The following NXPE3 variants were observed in gnomAD, a reference collection of about 807,000 sequenced individuals.
The protein encoded by NXPE3 is NXPE family member 3.
NXPE3 carries 26 observed loss-of-function variants against 46.1 expected under a neutral mutation model. That is an observed-to-expected ratio of 0.56 (90% CI 0.41 to 0.78). NXPE3 has a LOEUF of 0.78. Ranked by LOEUF, NXPE3 falls within the 30% of genes least tolerant of loss-of-function variation. NXPE3 has a pLI of 0.00. For missense variants in NXPE3, 620 were observed against 686.0 expected (o/e 0.90, Z 1.07); for synonymous variants, 272 against 257.9 (o/e 1.05, Z -0.52).
intron 6 of NXPE3, among the ~76,000 whole-genome samples, chr3:101,808,009 G>A (rs1461933436): frequency 6.6e-6 from 1 of 152,160 alleles, no homozygotes; most frequent in East Asian, 1.9e-4. Context: ...GAGAATAGCA[G>A]CTCTTCTCAA....
intron 5 of NXPE3, among the ~76,000 whole-genome samples, chr3:101,802,959 T>C (rs957697912): frequency 1.3e-5 from 2 of 152,198 alleles, no homozygotes; most frequent in African/African-American, 4.8e-5. Flanking sequence ...GGAGGAAGGC[T>C]GGAGCCCAGG....
intron 6 of NXPE3, among the ~76,000 whole-genome samples, chr3:101,814,784 C>A (rs1440742005): frequency 1.3e-5 from 2 of 151,714 alleles, no homozygotes; most frequent in African/African-American, 2.4e-5. Flanking sequence ...TAAATATATA[C>A]CTTCAAGAAA....
At chr3:101,818,728 TATATATA>T in intron 7 of NXPE3, among the ~76,000 whole-genome samples, 1 of 12,496 alleles carries the variant, frequency 8.0e-5, no homozygotes, top group South Asian at 2.3e-3. Context: ...TATATATATA[TATATATA>T]TATATATATA....
rs770131902 is a variant in NXPE3, at chr3:101,785,639, C to CT, written c.45dup (p.Ala16CysfsTer21). The CT allele has an allele frequency of 6.2e-7, 1 of 1,614,028 alleles. No homozygotes were observed. The highest frequency in any genetic ancestry group is 8.5e-7 in the Non-Finnish European group (1 of 1,179,978). On this transcript the variant is annotated frameshift_variant, in exon 4 of 8. Coordinates refer to ENST00000273347, the MANE Select transcript of NXPE3 (RefSeq NM_145037.4). LOFTEE classifies it high-confidence loss of function. ...CAAACTACGGCTTTTCTGCTGTCTG[C>CT]TTGCAGTGTTGATGGTGGTGGTGCT... is the stretch of plus-strand genomic sequence containing the variant.
chr3:101,806,945 A>G (rs1370721425), intron 5 of NXPE3, 108 bp from the exon 6 acceptor site: 3 of 770,958 alleles, frequency 3.9e-6, no homozygotes, highest in Admixed American at 4.6e-5. Flanking sequence ...ATATTTCATC[A>G]TAATAAGGCT....
intron 6 of NXPE3, among the ~76,000 whole-genome samples, chr3:101,811,846 G>A (rs1227810913): frequency 1.4e-5 from 2 of 146,544 alleles, no homozygotes; most frequent in African/African-American, 2.5e-5. Context: ...CAATTCTTCT[G>A]CCTCAGCTTC....
chr3:101,800,704 GTT>G (rs34398816), intron 4 of NXPE3, among the ~76,000 whole-genome samples: 1 of 142,360 alleles, frequency 7.0e-6, no homozygotes. Flanking sequence ...GTTAAGGGTT[GTT>G]TTTTTTTTTG....
In NXPE3 at chr3:101,827,695, G is replaced by T. The variant is rs567477718; in HGVS notation, c.*5741G>T. ...GATGTTGCCTCTGATTCCTCCCTGC[G>T]GCTCCAGTCCAGGTCTTGGAGCCGG... On this transcript the variant is annotated 3_prime_UTR_variant, in exon 8 of 8. Transcript: ENST00000273347. Among the ~76,000 whole-genome samples the T allele has an allele frequency of 2.6e-5, 4 of 152,126 alleles. No homozygotes were observed. Among genetic ancestry groups the T allele is most frequent in the African/African-American group, 9.6e-5 (4 of 41,476 alleles).
At chr3:101,808,177 T>C (rs917716613) in intron 6 of NXPE3, among the ~76,000 whole-genome samples, 1 of 152,106 alleles carries the variant, frequency 6.6e-6, no homozygotes, top group Non-Finnish European at 1.5e-5. Context: ...GATTTATTGG[T>C]GTAGAATATT....
chr3:101,816,429 A>G (rs1192157004), intron 6 of NXPE3, among the ~76,000 whole-genome samples: 1 of 149,244 alleles, frequency 6.7e-6, no homozygotes, highest in African/African-American at 2.5e-5. Flanking sequence ...CTTCCCCCCA[A>G]CCCCCCGACA....
intron 4 of NXPE3, among the ~76,000 whole-genome samples, chr3:101,788,761 G>T (rs563741891): frequency 1.3e-4 from 19 of 151,998 alleles, no homozygotes; most frequent in Admixed American, 2.6e-4. Context: ...GATTACAGGC[G>T]TCTGCCACCA....
chr3:101,796,389 A>C (rs1405698381), intron 4 of NXPE3, among the ~76,000 whole-genome samples: 2 of 152,200 alleles, frequency 1.3e-5, no homozygotes, highest in Admixed American at 6.5e-5. Flanking sequence ...AAGCAAATTG[A>C]CATTTTTGCA....
chr3:101,826,217 A>G lies in NXPE3; in HGVS notation c.*4263A>G, dbSNP rs1327072162. The G allele has an allele frequency of 6.6e-6, 1 of 152,170 alleles. No individual in the cohort carries two copies. The highest frequency in any genetic ancestry group is 2.4e-5 in the African/African-American group (1 of 41,442). 9.4% of individuals were successfully genotyped at this position (152,170 alleles called of 1,614,324 possible). A position where few individuals can be genotyped will look rare whatever the true frequency, so the allele number is the denominator to read the frequency against. ...GTACGCCTTTATATATTCATGTGTT[A>G]CATGCCAGAAATGAGTCTGTTTCTG... On this transcript the variant is annotated 3_prime_UTR_variant, in exon 8 of 8. Transcript: ENST00000273347.
At position 101,822,684 on chromosome 3, in the gene NXPE3, C is replaced by G. The variant is rs985936274; in HGVS notation, c.*730C>G. The G allele has an allele frequency of 5.3e-5, 8 of 152,052 alleles. No individual in the cohort carries two copies. The highest frequency in any genetic ancestry group is 1.9e-4 in the African/African-American group (8 of 41,356). The allele number at this position is 152,052 out of a possible 1,614,324, so 9.4% of individuals were successfully genotyped here. ...AAATTTTATGTGTTGAATACTTACT[C>G]TAGAATAACTACTTTTGGAACTGGA... On this transcript the variant is annotated 3_prime_UTR_variant, in exon 8 of 8. Coordinates refer to ENST00000273347, the MANE Select transcript of NXPE3 (RefSeq NM_145037.4).
At chr3:101,809,011 C>T (rs1275620461) in intron 6 of NXPE3, among the ~76,000 whole-genome samples, 1 of 151,568 alleles carries the variant, frequency 6.6e-6, no homozygotes, top group East Asian at 1.9e-4. Context: ...CTTCTTCTCA[C>T]AGACTCGACT....
chr3:101,803,256 A>G (rs1029618630), intron 5 of NXPE3, among the ~76,000 whole-genome samples: 2 of 152,154 alleles, frequency 1.3e-5, no homozygotes. Context: ...TGTGGTTTGT[A>G]GGAGCTCCTA....
intron 5 of NXPE3, among the ~76,000 whole-genome samples, chr3:101,803,119 T>G (rs1172482559): frequency 1.3e-5 from 2 of 152,206 alleles, no homozygotes; most frequent in Non-Finnish European, 2.9e-5. Flanking sequence ...AAACATTCCT[T>G]GGTAGAGAGA....
At chr3:101,811,538 C>T (rs1289445172) in intron 6 of NXPE3, among the ~76,000 whole-genome samples, 1 of 152,108 alleles carries the variant, frequency 6.6e-6, no homozygotes, top group Non-Finnish European at 1.5e-5. Context: ...TTGTTAGACT[C>T]TGAGGGTATA....
chr3:101,802,108 A>G, intron 5 of NXPE3, 119 bp downstream of exon 5: 2 of 903,502 alleles, frequency 2.2e-6, no homozygotes, highest in South Asian at 4.0e-5. Flanking sequence ...ACTTGGCCCA[A>G]TACAGAAGAG....
Sources: allele counts gnomAD v4.1 joint callset (sites outside exome capture counted in the v4.1 genomes callset), GRCh38; gene constraint gnomAD v4.1.1; transcripts MANE v1.5; gene names NCBI Gene and HGNC (gene_info 2026-07-23, HGNC 2026-07-21).